Variants in JAKMIP1 observed in about 807,000 individuals in gnomAD.
JAKMIP1 encodes janus kinase and microtubule interacting protein 1.
JAKMIP1 carries 33 observed loss-of-function variants against 113.0 expected under a neutral mutation model. That is an observed-to-expected ratio of 0.29 (90% CI 0.22 to 0.39). The LOEUF (loss-of-function observed/expected upper bound fraction) is 0.39, where lower values mean the gene tolerates loss of function less well. Ranked by LOEUF, JAKMIP1 falls within the 10% of genes least tolerant of loss-of-function variation. JAKMIP1 has a pLI of 1.00. For synonymous variants in JAKMIP1, 480 were observed against 459.9 expected, an observed-to-expected ratio of 1.04 and a Z score of -0.56; for missense variants, 813 against 1,080.5, an observed-to-expected ratio of 0.75 and a Z score of 3.47.
At chr4:6,121,596 C>G (rs1463059954) in intron 1 of JAKMIP1, among the ~76,000 whole-genome samples, 1 of 152,224 alleles carries the variant, frequency 6.6e-6, no homozygotes, top group Middle Eastern at 3.2e-3. Context: ...GCAGGCTGCC[C>G]CCGGACCTAG....
At chr4:6,191,913 T>TTTTATTTATTTATTATTTA (rs146710875) in intron 1 of JAKMIP1, among the ~76,000 whole-genome samples, 1 of 141,054 alleles carries the variant, frequency 7.1e-6, no homozygotes, top group East Asian at 2.1e-4. Context: ...CAGGAGTGCA[T>TTTTATTTATTTATTATTTA]TTTATTTATT....
intron 1 of JAKMIP1, among the ~76,000 whole-genome samples, chr4:6,165,395 G>A (rs1218812162): frequency 1.3e-5 from 2 of 152,184 alleles, no homozygotes; most frequent in African/African-American, 4.8e-5. Flanking sequence ...AAGCAATTCT[G>A]CCTCAGCCTC....
chr4:6,152,789 A>AATATATATATATATACATATAC (rs1721738256), intron 1 of JAKMIP1, among the ~76,000 whole-genome samples: 1 of 135,294 alleles, frequency 7.4e-6, no homozygotes, highest in Non-Finnish European at 1.6e-5. Flanking sequence ...TAAAAATACA[A>AATATATATATATATACATATAC]ATATATATAT....
rs775090522 is a variant in JAKMIP1, at chr4:6,040,691, T to C, written c.2123A>G (p.Tyr708Cys). 2.5e-6 allele frequency: 4 copies of C among 1,613,534 alleles called. No homozygotes were observed. The highest frequency in any genetic ancestry group is 1.1e-5 in the South Asian group (1 of 90,930). Residue 708 changes from tyrosine (Y) to cysteine (C), a missense_variant, in exon 18 of 21, where the codon TAC (tyrosine) becomes TGC (cysteine). Transcript: ENST00000409021. The surrounding 1 kb of genome is among the most constrained non-coding windows in gnomAD (Gnocchi z 5.8). ...CCGGTAGTCGAGCTCCTCTTCCAGG[T>C]AGCCCTTCTGCCTGCTGAACAGGTC... Reference protein sequence around the residue: ...EKDLFSRQKGYLEEELDYRKQ... With the variant: ...EKDLFSRQKGCLEEELDYRKQ...
intron 19 of JAKMIP1, among the ~76,000 whole-genome samples, chr4:6,034,457 T>C (rs965231102): frequency 2.6e-5 from 4 of 152,166 alleles, no homozygotes; most frequent in East Asian, 1.9e-4. Flanking sequence ...GTGATGATGA[T>C]TGATTTTATG....
At chr4:6,090,239 A>G (rs1054815354) in intron 3 of JAKMIP1, among the ~76,000 whole-genome samples, 18 of 152,152 alleles carry the variant, frequency 1.2e-4, no homozygotes, top group African/African-American at 4.3e-4. Flanking sequence ...AAAAGAAGAA[A>G]AAGAAGAGGA....
intron 3 of JAKMIP1, among the ~76,000 whole-genome samples, chr4:6,090,795 G>A (rs797015563): frequency 1.3e-4 from 19 of 149,386 alleles, no homozygotes; most frequent in African/African-American, 4.7e-4. Flanking sequence ...AAACTAGAGT[G>A]TCACTCCCCA....
At chr4:6,077,026 T>C (rs570542993) in intron 8 of JAKMIP1, among the ~76,000 whole-genome samples, 3 of 152,334 alleles carry the variant, frequency 2.0e-5, no homozygotes, top group East Asian at 3.9e-4. Context: ...TATTTGGACA[T>C]ATAAAATTAC....
chr4:6,105,660 C>G lies in JAKMIP1; in HGVS notation c.437G>C (p.Gly146Ala), dbSNP rs1202846404. Residue 146 changes from glycine (G) to alanine (A), a missense_variant, in exon 3 of 21, where the codon GGA becomes GCA. Gly to Ala is a moderately conservative substitution (Grantham distance 60, BLOSUM62 0). Around this residue, in one of 2 missense-constraint regions of JAKMIP1, gnomAD observed 540 missense variants for 653.9 expected, o/e 0.83. Coordinates refer to ENST00000409021, the MANE Select transcript of JAKMIP1 (RefSeq NM_001099433.2). ...AREEARRAFD[G>A]ERLRLQQEIL... Reference sequence around the variant, plus strand: ...CTCCTGCTGCAGCCGCAGGCGCTCTCCATCGAAGGCCCTGCGCGCCTCCTC... The same window carrying G: ...CTCCTGCTGCAGCCGCAGGCGCTCTGCATCGAAGGCCCTGCGCGCCTCCTC... 1.2e-6 allele frequency: 2 copies of G among 1,601,468 alleles called. No homozygotes were observed. Among genetic ancestry groups the G allele is most frequent in the Non-Finnish European group, 8.5e-7 (1 of 1,175,562 alleles).
intron 8 of JAKMIP1, among the ~76,000 whole-genome samples, chr4:6,068,702 T>G (rs941463868): frequency 3.9e-5 from 6 of 151,958 alleles, no homozygotes; most frequent in Non-Finnish European, 7.4e-5. Context: ...GGATTACAGG[T>G]GCGTGCCACC....
Position 6,106,085 on chromosome 4 carries a change from C to T in JAKMIP1, c.130-118G>A. On this transcript the variant is annotated intron_variant, in intron 2 of 20. Coordinates refer to ENST00000409021, the MANE Select transcript of JAKMIP1 (RefSeq NM_001099433.2). This position sits in a 1 kb window ranked among gnomAD's most constrained non-coding sequence, Gnocchi z 5.9. ...CCCACGCCCAAGACACCCACCTGGGCCCACGTTCCCATGGATTCCCCCTTC... is the reference window on the plus strand; with the variant it reads ...CCCACGCCCAAGACACCCACCTGGGTCCACGTTCCCATGGATTCCCCCTTC... 1.5e-6 allele frequency: 1 copy of T among 664,886 alleles called. No individual in the cohort carries two copies. Among genetic ancestry groups the T allele is most frequent in the Non-Finnish European group, 2.5e-6 (1 of 395,430 alleles). The allele number at this position is 664,886 out of a possible 1,614,324, so 41.2% of individuals were successfully genotyped here. A position where few individuals can be genotyped will look rare whatever the true frequency, so the allele number is the denominator to read the frequency against.
intron 3 of JAKMIP1, among the ~76,000 whole-genome samples, chr4:6,098,151 T>C (rs1175670150): frequency 6.6e-6 from 1 of 152,144 alleles, no homozygotes; most frequent in Non-Finnish European, 1.5e-5. Context: ...ACATTCCTCG[T>C]CGCGTGCGGT....
chr4:6,163,893 G>A (rs1306183552), intron 1 of JAKMIP1, among the ~76,000 whole-genome samples: 1 of 152,214 alleles, frequency 6.6e-6, no homozygotes, highest in East Asian at 1.9e-4. Context: ...CTCTCCTGAA[G>A]GCTAAGAGAT....
intron 1 of JAKMIP1, among the ~76,000 whole-genome samples, chr4:6,114,155 G>C (rs1715387797): frequency 6.6e-6 from 1 of 152,202 alleles, no homozygotes; most frequent in South Asian, 2.1e-4. Flanking sequence ...AGATTATGTA[G>C]GGAATGAATG....
Position 6,051,135 on chromosome 4 carries a change from G to A in JAKMIP1, c.1807-456C>T, listed in dbSNP as rs936217621. Among the ~76,000 whole-genome samples the A allele has an allele frequency of 1.1e-4, 17 of 152,164 alleles. No individual in the cohort carries two copies. The highest frequency in any genetic ancestry group is 3.9e-4 in the African/African-American group (16 of 41,430). The stretch of plus-strand genomic sequence containing the variant: ...TTCATTCTGTAGACAAAGAGAAGGT[G>A]GTGGCCCAGGGAGGCTGTGTCTGAG... On this transcript the variant is annotated intron_variant, in intron 13 of 20. Transcript: ENST00000409021. This position sits in a 1 kb window ranked among gnomAD's most constrained non-coding sequence, Gnocchi z 5.0.
At chr4:6,033,242 C>T (rs898313932) in intron 19 of JAKMIP1, among the ~76,000 whole-genome samples, 2 of 152,156 alleles carry the variant, frequency 1.3e-5, no homozygotes, top group Non-Finnish European at 2.9e-5. Context: ...AGGTGAAATA[C>T]AATGGTAATG....
Position 6,138,634 on chromosome 4 carries a change from C to T in JAKMIP1, c.-147-25637G>A, listed in dbSNP as rs1005454201. ...TGACGATGTTAACTACAGACAGACC[C>T]TCCACACACCTACATCCACTGGCAG... On this transcript the variant is annotated intron_variant, in intron 1 of 20. Transcript: ENST00000409021. The surrounding 1 kb of genome is among the most constrained non-coding windows in gnomAD (Gnocchi z 6.0). Among the ~76,000 whole-genome samples, 3 of 152,158 alleles carry T rather than the reference C, an allele frequency of 2.0e-5. No homozygotes were observed. Among genetic ancestry groups the T allele is most frequent in the Non-Finnish European group, 2.9e-5 (2 of 68,036 alleles).
At position 6,088,203 on chromosome 4, in the gene JAKMIP1, C is replaced by A. The variant is rs146022363; in HGVS notation, c.625-2574G>T. 3.0e-4 allele frequency among the ~76,000 whole-genome samples: 45 copies of A among 151,960 alleles called. 1 individual carries two copies. The highest frequency in any genetic ancestry group is 1.3e-4 in the Admixed American group (2 of 15,248). On this transcript the variant is annotated intron_variant, in intron 3 of 20. Transcript: ENST00000409021. The surrounding 1 kb of genome is among the most constrained non-coding windows in gnomAD (Gnocchi z 5.5). ...TAGGGGCTTCTATTCTGCTAGTGGG[C>A]GGAGCAGGCAATAAACATAATAAAT...
rs1454709462 is a variant in JAKMIP1 at position 6,108,437 on chromosome 4, G to T, written c.130-2470C>A. Reference sequence around the variant, plus strand: ...GCCACGGCACAAAGGCCAAGAGAGGGAGCATGCCCTGGGGGTGTGGGGGCT... The same window carrying T: ...GCCACGGCACAAAGGCCAAGAGAGGTAGCATGCCCTGGGGGTGTGGGGGCT... On this transcript the variant is annotated intron_variant, in intron 2 of 20. Transcript: ENST00000409021. This position sits in a 1 kb window ranked among gnomAD's most constrained non-coding sequence, Gnocchi z 5.6. Among the ~76,000 whole-genome samples, 1 of 152,194 alleles carries T rather than the reference G, an allele frequency of 6.6e-6. No homozygotes were observed. Among genetic ancestry groups the T allele is most frequent in the African/African-American group, 2.4e-5 (1 of 41,458 alleles).
Sources: gnomAD v4.1 joint callset for allele counts (sites outside exome capture counted in the v4.1 genomes callset) on GRCh38, gnomAD v4.1.1 for gene constraint, gnomAD v4.1.1 regional missense constraint, Gnocchi (gnomAD v3.1) non-coding constraint, MANE v1.5 for transcripts, NCBI Gene and HGNC (gene_info 2026-07-23, HGNC 2026-07-21) for gene names.